Variants in ZNF79 observed in about 807,000 individuals in gnomAD.
ZNF79 encodes the protein ZNFpT7.
A neutral mutation model predicts 14.9 loss-of-function variants in ZNF79; 13 were observed. That is an observed-to-expected ratio of 0.87 (90% CI 0.57 to 1.38). The LOEUF (loss-of-function observed/expected upper bound fraction) is 1.38. ZNF79 is among the 40% of genes most tolerant of loss of function. The probability of loss-of-function intolerance (pLI) is 0.00; values close to 1 mark genes in which losing one functional copy is unlikely to be tolerated. For missense variants in ZNF79, 631 were observed against 630.6 expected, an observed-to-expected ratio of 1.00 and a Z score of -0.01; for synonymous variants, 223 against 235.1, an observed-to-expected ratio of 0.95 and a Z score of 0.47.
At chr9:127,443,976 CT>C (rs1474612111) in intron 4 of ZNF79, 52 bp from the exon 5 acceptor site, 1 of 1,502,964 alleles carries the variant, frequency 6.7e-7, no homozygotes, top group Non-Finnish European at 8.9e-7. Flanking sequence ...CTCCTTCAGC[CT>C]TTGGTATTCC....
Position 127,444,268 on chromosome 9 carries a change from G to A in ZNF79, c.568G>A (p.Ala190Thr), listed in dbSNP as rs370711364. 2 of 1,613,926 alleles carry A rather than the reference G, an allele frequency of 1.2e-6. No individual in the cohort carries two copies. The highest frequency in any genetic ancestry group is 2.7e-5 in the African/African-American group (2 of 74,854). ...KNSEILKPHR[A>T]KPYACNECGK... ...CTCGGAAATCCTGAAACCTCACAGA[G>A]CAAAACCATATGCATGTAATGAATG... is the stretch of plus-strand genomic sequence containing the variant. The change falls in exon 5 of 5, where the codon GCA becomes ACA. Residue 190 changes from alanine to threonine, a missense_variant. Transcript: ENST00000342483.
intron 2 of ZNF79, among the ~76,000 whole-genome samples, chr9:127,431,901 C>G (rs982839155): frequency 1.3e-5 from 2 of 152,064 alleles, no homozygotes; most frequent in African/African-American, 4.8e-5. Flanking sequence ...AGGTGTGCAA[C>G]TTTATTTCCG....
rs1336784539 is a variant in ZNF79, at chr9:127,444,946, C to G, written c.1246C>G (p.Pro416Ala). 1.2e-6 allele frequency: 2 copies of G among 1,614,032 alleles called. No homozygotes were observed. The highest frequency in any genetic ancestry group is 2.7e-5 in the African/African-American group (2 of 74,904). The stretch of plus-strand genomic sequence containing the variant: ...CCAAAAGACCCACACCGGGGAGAAG[C>G]CATATAAATGTAATGAATGTGGGAA... ...IHQKTHTGEK[P>A]YKCNECGKFF... The change falls in exon 5 of 5, where the codon CCA becomes GCA. Residue 416 changes from proline (P) to alanine (A), a missense_variant. Coordinates refer to ENST00000342483, the MANE Select transcript of ZNF79 (RefSeq NM_007135.3).
Position 127,444,851 on chromosome 9 carries a change from C to T in ZNF79, c.1151C>T (p.Thr384Ile). 1.9e-6 allele frequency: 3 copies of T among 1,614,056 alleles called. No individual in the cohort carries two copies. The highest frequency in any genetic ancestry group is 1.3e-5 in the African/African-American group (1 of 75,012). ...ANLTNHQRTH[T>I]GEKPYKCSEC... The stretch of plus-strand genomic sequence containing the variant: ...CTCACAAACCATCAGAGGACTCACA[C>T]TGGGGAGAAACCCTACAAGTGCAGC... The change falls in exon 5 of 5, where the codon ACT becomes ATT. Residue 384 changes from threonine (T) to isoleucine (I), a missense_variant. By Grantham distance (89) the Thr-to-Ile change is moderately conservative. Coordinates refer to ENST00000342483, the MANE Select transcript of ZNF79 (RefSeq NM_007135.3).
At chr9:127,436,150 T>A (rs1230934759) in intron 4 of ZNF79, 147 bp downstream of exon 4, 1 of 672,338 alleles carries the variant, frequency 1.5e-6, no homozygotes, top group Non-Finnish European at 2.5e-6. Context: ...TGAGAAAGGC[T>A]GGCTCACTGG....
In ZNF79 at chr9:127,444,457, G is replaced by T; in HGVS notation, c.757G>T (p.Glu253Ter). 6.2e-7 allele frequency: 1 copy of T among 1,610,596 alleles called. No individual in the cohort carries two copies. The highest frequency in any genetic ancestry group is 8.5e-7 in the Non-Finnish European group (1 of 1,177,010). ...TGGAGAGAAGCCTTACAAGTGCAGT[G>T]AATGTGGAAGAGCCTTCAGCCAGAA... ...HTGEKPYKCS[E>*]CGRAFSQNAN... The change falls in exon 5 of 5, where the codon GAA (glutamate) becomes TAA (stop). Residue 253 changes from glutamate (E) to a stop codon, truncating the protein, a stop_gained. Coordinates refer to ENST00000342483, the MANE Select transcript of ZNF79 (RefSeq NM_007135.3). LOFTEE classifies it low-confidence loss of function (END_TRUNC).
chr9:127,439,202 CA>C (rs1834005772), intron 4 of ZNF79, among the ~76,000 whole-genome samples: 1 of 28,082 alleles, frequency 3.6e-5, no homozygotes, highest in African/African-American at 1.2e-4. Context: ...CACACACACA[CA>C]CAACGCGCAC....
At chr9:127,431,114 T>C (rs1257033345) in intron 2 of ZNF79, among the ~76,000 whole-genome samples, 1 of 152,206 alleles carries the variant, frequency 6.6e-6, no homozygotes, top group Non-Finnish European at 1.5e-5. Context: ...TGCCTGCTTT[T>C]TAACGTGGTT....
chr9:127,438,201 A>G (rs1019990753), intron 4 of ZNF79, among the ~76,000 whole-genome samples: 1 of 152,150 alleles, frequency 6.6e-6, no homozygotes, highest in Non-Finnish European at 1.5e-5. Context: ...AGATCCCACT[A>G]GTTGAGGGCT....
chr9:127,428,755 A>C, intron 1 of ZNF79, 77 bp from the exon 2 acceptor site: 1 of 1,338,236 alleles, frequency 7.5e-7, no homozygotes, highest in Non-Finnish European at 9.8e-7. Flanking sequence ...GATACCTGCT[A>C]TGTCCCCTCT....
intron 1 of ZNF79, among the ~76,000 whole-genome samples, chr9:127,426,171 T>G (rs749890194): frequency 2.6e-5 from 4 of 152,126 alleles, no homozygotes; most frequent in Non-Finnish European, 2.9e-5. Context: ...ATTCAGTGGT[T>G]TTTAGTATTT....
At chr9:127,425,989 G>A (rs1248590709) in intron 1 of ZNF79, among the ~76,000 whole-genome samples, 1 of 152,216 alleles carries the variant, frequency 6.6e-6, no homozygotes, top group Non-Finnish European at 1.5e-5. Context: ...TGGGAAAGCA[G>A]AGCAGATGGG....
chr9:127,436,031 G>A (rs771760163), intron 4 of ZNF79, 28 bp downstream of exon 4: 1 of 1,599,896 alleles, frequency 6.3e-7, no homozygotes, highest in Non-Finnish European at 8.6e-7. Context: ...TAGCCAGTGG[G>A]AGTCTTGGGA....
intron 2 of ZNF79, among the ~76,000 whole-genome samples, chr9:127,434,454 G>T (rs1302442609): frequency 6.6e-6 from 1 of 151,852 alleles, no homozygotes; most frequent in African/African-American, 2.4e-5. Flanking sequence ...TTCTAATTTC[G>T]CTCTTTCTAT....
chr9:127,439,497 T>C (rs1410140051), intron 4 of ZNF79, among the ~76,000 whole-genome samples: 1 of 152,210 alleles, frequency 6.6e-6, no homozygotes. Flanking sequence ...ACATGGCCTC[T>C]GTTCTAACTC....
At position 127,435,209 on chromosome 9, in the gene ZNF79, C is replaced by T. The variant is rs1423980650; in HGVS notation, c.225C>T (p.Val75=). 6 of 1,590,090 alleles carry T rather than the reference C, an allele frequency of 3.8e-6. No homozygotes were observed. Among genetic ancestry groups the T allele is most frequent in the Non-Finnish European group, 5.1e-6 (6 of 1,172,650 alleles). ...TACCAGGAAAGTCCAGGAGCCTTGT[C>T]CTACTAGGTAAGGAAACTGTTTCTT... ...EGIPGKSRSL[V]LLGLPVSQPG... Residue 75 remains valine (V), a synonymous_variant, in exon 3 of 5, where the codon GTC becomes GTT. Transcript: ENST00000342483.
intron 1 of ZNF79, among the ~76,000 whole-genome samples, chr9:127,426,901 T>C (rs1476058957): frequency 6.6e-6 from 1 of 152,204 alleles, no homozygotes; most frequent in African/African-American, 2.4e-5. Context: ...CATCATTTTC[T>C]ATTCTCAGCA....
intron 2 of ZNF79, among the ~76,000 whole-genome samples, chr9:127,431,393 G>A (rs917176266): frequency 1.3e-5 from 2 of 151,878 alleles, no homozygotes; most frequent in Admixed American, 6.6e-5. Context: ...TGAGTAGCTG[G>A]GATTACCACC....
At chr9:127,435,003 A>G in intron 2 of ZNF79, 87 bp from the exon 3 acceptor site, 1 of 1,445,618 alleles carries the variant, frequency 6.9e-7, no homozygotes, top group Non-Finnish European at 9.2e-7. Context: ...AGACTTTTCC[A>G]GCTCCCCCAA....
Sources: allele counts gnomAD v4.1 joint callset (sites outside exome capture counted in the v4.1 genomes callset), GRCh38; gene constraint gnomAD v4.1.1; transcripts MANE v1.5; gene names NCBI Gene and HGNC (gene_info 2026-07-23, HGNC 2026-07-21).